PLCG1: variants seen among roughly 807,000 people sequenced by gnomAD.
PLCG1 encodes the protein 1-phosphatidylinositol 4,5-bisphosphate phosphodiesterase gamma-1.
PLCG1 carries 71 observed loss-of-function variants against 177.8 expected under a neutral mutation model. The observed-to-expected ratio is 0.40, with a 90% confidence interval of 0.33 to 0.49. PLCG1 has a LOEUF of 0.49. Among genes scored for constraint, PLCG1 ranks in the 20% least tolerant of loss-of-function variants. The pLI is 0.72. For missense variants in PLCG1, 1,281 were observed against 1,709.0 expected (o/e 0.75, Z 4.42); for synonymous variants, 658 against 647.9 (o/e 1.02, Z -0.24).
chr20:41,162,391 CCACAGG>C lies in PLCG1; in HGVS notation c.513-60_513-55del, dbSNP rs1367638960. On this transcript the variant is annotated intron_variant, in intron 4 of 31. Transcript: ENST00000685551. ...CTGTCCAGCCCCAGGTGGGCTCGAC[CCACAGG>C]TCAGAGGTCATGAGAAGCTGGATGA... 63 of 1,369,378 alleles carry C rather than the reference CCACAGG, an allele frequency of 4.6e-5. 1 individual carries two copies. In the East Asian group the frequency reaches 8.5e-4, roughly 18 times the overall value. 84.8% of individuals were successfully genotyped at this position (1,369,378 alleles called of 1,614,324 possible). A position where few individuals can be genotyped will look rare whatever the true frequency, so the allele number is the denominator to read the frequency against.
intron 6 of PLCG1, 112 bp from the exon 7 acceptor site, chr20:41,162,843 GTTC>G (rs2035557714): frequency 3.0e-6 from 4 of 1,335,318 alleles, no homozygotes; most frequent in African/African-American, 1.4e-5. Flanking sequence ...CATTTCTCCA[GTTC>G]TTCTCCTCTT....
At chr20:41,143,773 T>C (rs578188304) in intron 1 of PLCG1, among the ~76,000 whole-genome samples, 1 of 152,350 alleles carries the variant, frequency 6.6e-6, no homozygotes, top group South Asian at 2.1e-4. Context: ...AATTGATCTT[T>C]AGCTGTAAAA....
In PLCG1 at chr20:41,177,514, AGTTCT is replaced by A. The variant is rs1208442661; in HGVS notation, c.*3009_*3013del. ...ACTTGAGCCCATCACTCACCATGTG[AGTTCT>A]GTTGAGGGTGGGTAGAAAGCAAATA... On this transcript the variant is annotated 3_prime_UTR_variant, in exon 32 of 32. Transcript: ENST00000685551. The A allele has an allele frequency of 6.6e-6, 1 of 152,232 alleles. No homozygotes were observed. The highest frequency in any genetic ancestry group is 2.4e-5 in the African/African-American group (1 of 41,448). 9.4% of individuals were successfully genotyped at this position (152,232 alleles called of 1,614,324 possible).
At chr20:41,168,036 T>C (rs2035761313) in intron 20 of PLCG1, 107 bp downstream of exon 20, 3 of 833,120 alleles carry the variant, frequency 3.6e-6, no homozygotes, top group South Asian at 2.9e-5. Flanking sequence ...GAAGTGGTGG[T>C]TGTGGTTTTC....
At chr20:41,143,390 AT>A (rs991645800) in intron 1 of PLCG1, among the ~76,000 whole-genome samples, 2 of 152,092 alleles carry the variant, frequency 1.3e-5, no homozygotes, top group African/African-American at 4.8e-5. Context: ...TAGGAGACTG[AT>A]TTTTCCCCCT....
intron 1 of PLCG1, among the ~76,000 whole-genome samples, chr20:41,143,622 C>T (rs1478742808): frequency 6.6e-6 from 1 of 152,190 alleles, no homozygotes; most frequent in African/African-American, 2.4e-5. Context: ...GGAGTGGCTT[C>T]AGGCTACCAT....
At position 41,157,199 on chromosome 20, in the gene PLCG1, TG is replaced by T; in HGVS notation, c.218-2406del. Among the ~76,000 whole-genome samples the T allele has an allele frequency of 2.4e-5, 3 of 126,748 alleles. No homozygotes were observed. The South Asian group carries it at 8.5e-4, about 36-fold the overall frequency. The allele number at this position is 126,748 out of a possible 152,430, so 83.2% of individuals were successfully genotyped here. A position where few individuals can be genotyped will look rare whatever the true frequency, so the allele number is the denominator to read the frequency against. On this transcript the variant is annotated intron_variant, in intron 1 of 31. Transcript: ENST00000685551. The surrounding 1 kb of genome is among the most constrained non-coding windows in gnomAD (Gnocchi z 5.4). Reference sequence around the variant, plus strand: ...AATATGTGCAGGAGTGCAGGCCTGTTGACTCTGTGTGTGTGTGTGTGTGTGT... The same window carrying T: ...AATATGTGCAGGAGTGCAGGCCTGTTACTCTGTGTGTGTGTGTGTGTGTGT...
rs777952747 is a variant in PLCG1, at chr20:41,150,927, A to C, written c.218-8679A>C. Among the ~76,000 whole-genome samples the C allele has an allele frequency of 3.9e-5, 6 of 152,176 alleles. No individual in the cohort carries two copies. Among genetic ancestry groups the C allele is most frequent in the Admixed American group, 1.3e-4 (2 of 15,284 alleles). On this transcript the variant is annotated intron_variant, in intron 1 of 31. Coordinates refer to ENST00000685551, the MANE Select transcript of PLCG1 (RefSeq NM_002660.3). The surrounding 1 kb of genome is among the most constrained non-coding windows in gnomAD (Gnocchi z 4.0). ...CTCCATCAGGCAGGGGTTTTCTCAA[A>C]GGCAGGAACTCAAATGCCTTATTGA...
At chr20:41,141,208 G>C (rs1410856773) in intron 1 of PLCG1, among the ~76,000 whole-genome samples, 2 of 152,180 alleles carry the variant, frequency 1.3e-5, no homozygotes, top group East Asian at 3.8e-4. Context: ...TCTGAATACT[G>C]GCTGAGCATG....
chr20:41,158,926 CG>C (rs2035406362), intron 1 of PLCG1, among the ~76,000 whole-genome samples: 2 of 152,316 alleles, frequency 1.3e-5, no homozygotes, highest in Admixed American at 1.3e-4. Flanking sequence ...TATTCAAGCC[CG>C]TGTACCTCTC....
chr20:41,160,083 T>C lies in PLCG1; in HGVS notation c.465-23T>C. 6.2e-7 allele frequency: 1 copy of C among 1,613,836 alleles called. No homozygotes were observed. The highest frequency in any genetic ancestry group is 8.5e-7 in the Non-Finnish European group (1 of 1,179,746). On this transcript the variant is annotated intron_variant, in intron 3 of 31. Transcript: ENST00000685551. The surrounding 1 kb of genome is among the most constrained non-coding windows in gnomAD (Gnocchi z 5.5). Reference sequence around the variant, plus strand: ...CTGACTGTAGATGGAGAAGTGGCCCTCACCTCAGGCTTCTCTCTCCAGGTG... The same window carrying C: ...CTGACTGTAGATGGAGAAGTGGCCCCCACCTCAGGCTTCTCTCTCCAGGTG...
Position 41,165,951 on chromosome 20 carries a change from C to A in PLCG1, c.1799+125C>A. Reference sequence around the variant, plus strand: ...GACAATAATTAGGCTTTACATGGAACATAATTTCACCTACATACACACACA... The same window carrying A: ...GACAATAATTAGGCTTTACATGGAAAATAATTTCACCTACATACACACACA... On this transcript the variant is annotated intron_variant, in intron 16 of 31. Coordinates refer to ENST00000685551, the MANE Select transcript of PLCG1 (RefSeq NM_002660.3). This position sits in a 1 kb window ranked among gnomAD's most constrained non-coding sequence, Gnocchi z 6.6. The A allele has an allele frequency of 2.5e-6, 2 of 810,080 alleles. No individual in the cohort carries two copies. Among genetic ancestry groups the A allele is most frequent in the Non-Finnish European group, 3.9e-6 (2 of 518,970 alleles). The allele number at this position is 810,080 out of a possible 1,614,324, so 50.2% of individuals were successfully genotyped here.
Position 41,146,868 on chromosome 20 carries a change from G to C in PLCG1, c.217+9010G>C, listed in dbSNP as rs1432786794. Among the ~76,000 whole-genome samples, 1 of 152,080 alleles carries C rather than the reference G, an allele frequency of 6.6e-6. No individual in the cohort carries two copies. The highest frequency in any genetic ancestry group is 1.5e-5 in the Non-Finnish European group (1 of 68,000). On this transcript the variant is annotated intron_variant, in intron 1 of 31. Coordinates refer to ENST00000685551, the MANE Select transcript of PLCG1 (RefSeq NM_002660.3). The surrounding 1 kb of genome is among the most constrained non-coding windows in gnomAD (Gnocchi z 6.3). ...TTCAGCCTAAGGCCCAGAGAGTGTG[G>C]GCCTGAGTTCACAGGGTGACTAACC...
chr20:41,139,072 A>G (rs2034723801), intron 1 of PLCG1, among the ~76,000 whole-genome samples: 1 of 152,158 alleles, frequency 6.6e-6, no homozygotes, highest in East Asian at 1.9e-4. Context: ...CTTCTTGGGT[A>G]TGGTGTGCAT....
At position 41,137,889 on chromosome 20, in the gene PLCG1, CCCCGCGCGGGGGTCGTGGGAGCCCGG is replaced by C; in HGVS notation, c.217+36_217+61del. 1.6e-6 allele frequency: 2 copies of C among 1,234,304 alleles called. No homozygotes were observed. 76.5% of individuals were successfully genotyped at this position (1,234,304 alleles called of 1,614,324 possible). ...TGCGCCCACTTCCTGCCTGGGCCCG[CCCCGCGCGGGGGTCGTGGGAGCCCGG>C]CCCGACTGCTTGCACCCCGGCCGGC... On this transcript the variant is annotated intron_variant, in intron 1 of 31. Coordinates refer to ENST00000685551, the MANE Select transcript of PLCG1 (RefSeq NM_002660.3). The surrounding 1 kb of genome is among the most constrained non-coding windows in gnomAD (Gnocchi z 7.3).
At position 41,146,724 on chromosome 20, in the gene PLCG1, C is replaced by G. The variant is rs1354212114; in HGVS notation, c.217+8866C>G. Among the ~76,000 whole-genome samples the G allele has an allele frequency of 6.6e-6, 1 of 152,180 alleles. No homozygotes were observed. Among genetic ancestry groups the G allele is most frequent in the East Asian group, 1.9e-4 (1 of 5,202 alleles). ...GGGAAATGATTGTTGAGGGCATGGG[C>G]TTGGGTCATAGTGTCCTTGGCTTGG... is the stretch of plus-strand genomic sequence containing the variant. On this transcript the variant is annotated intron_variant, in intron 1 of 31. Transcript: ENST00000685551. The surrounding 1 kb of genome is among the most constrained non-coding windows in gnomAD (Gnocchi z 6.3).
chr20:41,166,316 A>G lies in PLCG1; in HGVS notation c.1922A>G (p.Gln641Arg). 1.2e-6 allele frequency: 2 copies of G among 1,614,190 alleles called. No individual in the cohort carries two copies. The highest frequency in any genetic ancestry group is 2.2e-5 in the South Asian group (2 of 91,092). The change falls in exon 17 of 32, where the codon CAG becomes CGG. Residue 641 changes from glutamine to arginine, a missense_variant. Physicochemically the swap from Gln to Arg is conservative, Grantham distance 43. Transcript: ENST00000685551. The surrounding 1 kb of genome is among the most constrained non-coding windows in gnomAD (Gnocchi z 8.6). ...TATGACCTCATCACGCACTACCAGCAGGTGCCCCTGCGCTGTAATGAGTTT... is the reference window on the plus strand; with the variant it reads ...TATGACCTCATCACGCACTACCAGCGGGTGCCCCTGCGCTGTAATGAGTTT... ...SLYDLITHYQ[Q>R]VPLRCNEFEM...
chr20:41,166,183 G>A lies in PLCG1; in HGVS notation c.1800-11G>A. Reference sequence around the variant, plus strand: ...TTTTCCCCAGCCTCCCTCACTCTGTGTCTTCCACAGGCGGAACGGGAAAGT... The same window carrying A: ...TTTTCCCCAGCCTCCCTCACTCTGTATCTTCCACAGGCGGAACGGGAAAGT... On this transcript the variant is annotated splice_polypyrimidine_tract_variant and intron_variant, in intron 16 of 31. Coordinates refer to ENST00000685551, the MANE Select transcript of PLCG1 (RefSeq NM_002660.3). The surrounding 1 kb of genome is among the most constrained non-coding windows in gnomAD (Gnocchi z 8.6). 1 of 1,610,960 alleles carries A rather than the reference G, an allele frequency of 6.2e-7. No homozygotes were observed.
At position 41,165,369 on chromosome 20, in the gene PLCG1, T is replaced by C; in HGVS notation, c.1509+2T>C. 6.2e-7 allele frequency: 1 copy of C among 1,614,174 alleles called. No individual in the cohort carries two copies. Among genetic ancestry groups the C allele is most frequent in the Non-Finnish European group, 8.5e-7 (1 of 1,180,020 alleles). ...TACCTGGAGGACCCTGTGAACCACGTGAGGACTGGGCCAGGCTGGGGGTGG... is the reference window on the plus strand; with the variant it reads ...TACCTGGAGGACCCTGTGAACCACGCGAGGACTGGGCCAGGCTGGGGGTGG... On this transcript the variant is annotated splice_donor_variant, in intron 14 of 31. Coordinates refer to ENST00000685551, the MANE Select transcript of PLCG1 (RefSeq NM_002660.3). LOFTEE classifies it high-confidence loss of function. This position sits in a 1 kb window ranked among gnomAD's most constrained non-coding sequence, Gnocchi z 6.6.
Sources: allele counts gnomAD v4.1 joint callset (sites outside exome capture counted in the v4.1 genomes callset), GRCh38; gene constraint gnomAD v4.1.1; non-coding constraint Gnocchi (gnomAD v3.1); transcripts MANE v1.5; gene names NCBI Gene and HGNC (gene_info 2026-07-23, HGNC 2026-07-21).